Variants in DPP6 observed in about 807,000 individuals in gnomAD.
DPP6 encodes the protein dipeptidyl peptidase like 6.
In DPP6, 69 loss-of-function variants were observed where a neutral mutation model predicts 122.6. That is an observed-to-expected ratio of 0.56 (90% CI 0.46 to 0.69). The LOEUF (loss-of-function observed/expected upper bound fraction) is 0.69. Ranked by LOEUF, DPP6 falls within the 30% of genes least tolerant of loss-of-function variation. The pLI is 0.00. For missense variants in DPP6, 928 were observed against 1,116.9 expected (o/e 0.83, Z 2.41); for synonymous variants, 418 against 433.1 (o/e 0.97, Z 0.43).
Position 154,653,954 on chromosome 7 carries a change from C to G in DPP6, c.681-15406C>G, listed in dbSNP as rs1320767122. On this transcript the variant is annotated intron_variant, in intron 6 of 25. Transcript: ENST00000377770. ...TTCTGTATCTGGAGATTCAAGCAAC[C>G]TCCCTCAGGTCAAATACCTGGAAAA... 2.9e-5 allele frequency among the ~76,000 whole-genome samples: 4 copies of G among 136,306 alleles called. No homozygotes were observed. The Admixed American group carries it at 3.3e-4, about 11-fold the overall frequency. The allele number at this position is 136,306 out of a possible 152,430, so 89.4% of individuals were successfully genotyped here.
chr7:153,758,860 A>T, the DPP6 span, among the ~76,000 whole-genome samples: 49 of 147,372 alleles, frequency 3.3e-4, no homozygotes, highest in African/African-American at 1.3e-3. Flanking sequence ...ATATGGACAT[A>T]TGCTTACACT....
chr7:154,339,306 G>A (rs369633147), intron 1 of DPP6, among the ~76,000 whole-genome samples: 1 of 152,234 alleles, frequency 6.6e-6, no homozygotes, highest in African/African-American at 2.4e-5. Context: ...TGGGGTGGTG[G>A]GACAGGGCTT....
intron 1 of DPP6, among the ~76,000 whole-genome samples, chr7:154,091,467 A>G (rs1165984770): frequency 1.3e-5 from 2 of 152,166 alleles, no homozygotes; most frequent in African/African-American, 2.4e-5. Context: ...AAAAGTTTCT[A>G]TCAGCCCTCC....
chr7:154,463,195 CTT>C (rs368362408), intron 2 of DPP6, among the ~76,000 whole-genome samples: 189 of 84,058 alleles, frequency 2.2e-3, no homozygotes, highest in African/African-American at 8.4e-3. Flanking sequence ...TTCTCCTTTT[CTT>C]TTTTTTTTTT....
chr7:154,266,844 T>C (rs1156519471), intron 1 of DPP6, among the ~76,000 whole-genome samples: 1 of 152,222 alleles, frequency 6.6e-6, no homozygotes, highest in African/African-American at 2.4e-5. Flanking sequence ...CAAGATGTTA[T>C]TTGCCTTTTG....
At chr7:153,830,767 C>A in the DPP6 span, among the ~76,000 whole-genome samples, 1 of 152,126 alleles carries the variant, frequency 6.6e-6, no homozygotes, top group Non-Finnish European at 1.5e-5. Context: ...GAAACAGAAT[C>A]GCACCAGGGA....
chr7:154,664,834 G>A (rs1838046449), intron 6 of DPP6, among the ~76,000 whole-genome samples: 2 of 151,898 alleles, frequency 1.3e-5, no homozygotes, highest in African/African-American at 4.8e-5. Flanking sequence ...CAAAAGTAGT[G>A]CAAAAAAATC....
intron 1 of DPP6, among the ~76,000 whole-genome samples, chr7:154,218,247 G>T (rs542281147): frequency 6.6e-6 from 1 of 152,264 alleles, no homozygotes; most frequent in African/African-American, 2.4e-5. Flanking sequence ...AGGATCACTA[G>T]AATCTGGGGT....
chr7:154,252,885 G>A (rs77097826), intron 1 of DPP6, among the ~76,000 whole-genome samples: 1,546 of 152,300 alleles, frequency 0.01, 24 homozygotes, highest in African/African-American at 0.035. Flanking sequence ...AAGAGTCTAC[G>A]TGGCAGCTCC....
chr7:153,843,005 C>T, the DPP6 span, among the ~76,000 whole-genome samples: 1 of 151,828 alleles, frequency 6.6e-6, no homozygotes, highest in Non-Finnish European at 1.5e-5. Context: ...CACGCACATA[C>T]ACACATACAC....
chr7:153,924,724 G>C (rs987785034), intron 1 of DPP6, among the ~76,000 whole-genome samples: 4 of 152,186 alleles, frequency 2.6e-5, no homozygotes, highest in Admixed American at 2.6e-4. Flanking sequence ...CTGAGTCATT[G>C]ATGGCCAGAT....
At chr7:154,015,592 A>G (rs1204931125) in intron 1 of DPP6, among the ~76,000 whole-genome samples, 4 of 152,142 alleles carry the variant, frequency 2.6e-5, no homozygotes, top group Admixed American at 2.0e-4. Flanking sequence ...TGGCACCACC[A>G]CCAACCCAGG....
At chr7:154,582,119 A>G (rs914557184) in intron 5 of DPP6, among the ~76,000 whole-genome samples, 3 of 152,116 alleles carry the variant, frequency 2.0e-5, no homozygotes, top group African/African-American at 7.2e-5. Context: ...GGGACCAGCC[A>G]CCACCTGCAC....
chr7:154,169,381 C>T (rs1172283137), intron 1 of DPP6, among the ~76,000 whole-genome samples: 1 of 152,162 alleles, frequency 6.6e-6, no homozygotes, highest in Non-Finnish European at 1.5e-5. Flanking sequence ...TAGTATGAAT[C>T]AGGCAAGCAG....
chr7:154,516,537 A>C (rs1826526563), intron 3 of DPP6, among the ~76,000 whole-genome samples: 1 of 152,194 alleles, frequency 6.6e-6, no homozygotes, highest in Non-Finnish European at 1.5e-5. Flanking sequence ...GATTCCTACG[A>C]AAGAGGAAAA....
the DPP6 span, among the ~76,000 whole-genome samples, chr7:153,795,513 G>T: frequency 6.6e-6 from 1 of 152,026 alleles, no homozygotes; most frequent in African/African-American, 2.4e-5. Flanking sequence ...AGTTTGGTTA[G>T]AACTTTATTA....
At chr7:153,867,077 G>A in the DPP6 span, among the ~76,000 whole-genome samples, 1 of 152,154 alleles carries the variant, frequency 6.6e-6, no homozygotes, top group African/African-American at 2.4e-5. Context: ...TTGAAGTCAG[G>A]TAGCGTGATG....
chr7:154,185,918 A>T (rs1471173626), intron 1 of DPP6, among the ~76,000 whole-genome samples: 1 of 152,252 alleles, frequency 6.6e-6, no homozygotes. Flanking sequence ...TATAGTATAT[A>T]AGCGGGTATT....
In DPP6 at chr7:154,602,618, A is replaced by T. The variant is rs1331309024; in HGVS notation, c.628-35203A>T. 1.7e-5 allele frequency among the ~76,000 whole-genome samples: 2 copies of T among 119,256 alleles called. 1 individual carries two copies. Among genetic ancestry groups the T allele is most frequent in the African/African-American group, 5.3e-5 (2 of 37,390 alleles). The allele number at this position is 119,256 out of a possible 152,430, so 78.2% of individuals were successfully genotyped here. On this transcript the variant is annotated intron_variant, in intron 5 of 25. Coordinates refer to ENST00000377770, the MANE Select transcript of DPP6 (RefSeq NM_130797.4). ...TTTTTGTGTGTGTGTTTTTGTAGAG[A>T]CAGGGTTTCACCATGTTGACCAGAC...
Sources: gnomAD v4.1 joint callset for allele counts (sites outside exome capture counted in the v4.1 genomes callset) on GRCh38, gnomAD v4.1.1 for gene constraint, MANE v1.5 for transcripts, NCBI Gene and HGNC (gene_info 2026-07-23, HGNC 2026-07-21) for gene names.